The following ARSG variants were observed in gnomAD, a reference collection of about 807,000 sequenced individuals.
ARSG encodes arylsulfatase G, also known as ASG.
Under a neutral mutation model 50.5 loss-of-function variants are expected in ARSG, and 37 were observed. That is an observed-to-expected ratio of 0.73 (90% confidence interval 0.56 to 0.96). ARSG has a LOEUF of 0.96. Ranked by LOEUF, ARSG falls within the 50% of genes least tolerant of loss-of-function variation. ARSG has a pLI of 0.00. For missense variants in ARSG, 629 were observed against 675.3 expected (o/e 0.93, Z 0.76); for synonymous variants, 225 against 254.6 (o/e 0.88, Z 1.11).
At chr17:68,287,276 G>T (rs1377263957), upstream of ARSG, among the ~76,000 whole-genome samples, 1 of 151,294 alleles carries the variant, frequency 6.6e-6, no homozygotes, top group Admixed American at 6.6e-5. Flanking sequence ...GTATCTAAAC[G>T]ATAGTGCTGG....
At chr17:68,405,640 C>G (rs556910325) in intron 11 of ARSG, among the ~76,000 whole-genome samples, 7 of 152,286 alleles carry the variant, frequency 4.6e-5, no homozygotes, top group African/African-American at 1.7e-4. Flanking sequence ...TTTACTTCCT[C>G]CATTCCAATT....
In ARSG at chr17:68,307,247, T is replaced by C; in HGVS notation, c.-247T>C. The C allele has an allele frequency of 9.7e-6, 5 of 515,716 alleles. No homozygotes were observed. Among genetic ancestry groups the C allele is most frequent in the Non-Finnish European group, 1.7e-5 (5 of 291,248 alleles). 31.9% of individuals were successfully genotyped at this position (515,716 alleles called of 1,614,324 possible). A position where few individuals can be genotyped will look rare whatever the true frequency, so the allele number is the denominator to read the frequency against. ...ACTGACCATAGAAGATCAAGCCAAA[T>C]GAGGGATTGCAAATTTCCTGATTCT... On this transcript the variant is annotated 5_prime_UTR_variant, in exon 2 of 12. The change abolishes an upstream ATG in the 5' untranslated region. Transcript: ENST00000621439.
rs1555748426 is a variant in ARSG at position 68,271,131 on chromosome 17, T to C, written c.-552+11705T>C. 2 of 1,614,108 alleles carry C rather than the reference T, an allele frequency of 1.2e-6. No individual in the cohort carries two copies. Among genetic ancestry groups the C allele is most frequent in the Non-Finnish European group, 1.7e-6 (2 of 1,180,018 alleles). On this transcript the variant is annotated intron_variant, in intron 1 of 11. Coordinates refer to the ARSG transcript ENST00000448504. This position sits in a 1 kb window ranked among gnomAD's most constrained non-coding sequence, Gnocchi z 5.3. ...TGAGGACAAAACCAGCTCCGATCCTTCCGAAAACTTCTGCAATGGCCATCG... is the reference window on the plus strand; with the variant it reads ...TGAGGACAAAACCAGCTCCGATCCTCCCGAAAACTTCTGCAATGGCCATCG...
chr17:68,351,505 G>A lies in ARSG; in HGVS notation c.455-70G>A, dbSNP rs752453483. The A allele has an allele frequency of 2.6e-5, 21 of 801,788 alleles. 1 individual carries two copies. The highest frequency in any genetic ancestry group is 1.9e-4 in the East Asian group (8 of 41,052). 49.7% of individuals were successfully genotyped at this position (801,788 alleles called of 1,614,324 possible). A position where few individuals can be genotyped will look rare whatever the true frequency, so the allele number is the denominator to read the frequency against. ...AATCATAGGAAATTACATTTTTGTC[G>A]TGGGTGTACAAAGGCAAGCACATGG... On this transcript the variant is annotated intron_variant, in intron 4 of 11. Coordinates refer to ENST00000621439, the MANE Select transcript of ARSG (RefSeq NM_001267727.2).
chr17:68,317,253 G>A (rs782225569), intron 2 of ARSG, among the ~76,000 whole-genome samples: 12 of 152,104 alleles, frequency 7.9e-5, no homozygotes, highest in Non-Finnish European at 1.2e-4. Flanking sequence ...TAGGGATTAT[G>A]GCCTAAAATC....
At chr17:68,434,423 G>A in the ARSG span, 1 of 828,512 alleles carries the variant, frequency 1.2e-6, no homozygotes, top group Non-Finnish European at 1.9e-6. Context: ...CAATTACCTG[G>A]GAGAGTAGTT....
At chr17:68,289,348 G>C (rs1443504546), upstream of ARSG, among the ~76,000 whole-genome samples, 3 of 152,102 alleles carry the variant, frequency 2.0e-5, no homozygotes, top group Admixed American at 2.0e-4. Flanking sequence ...GCTATCCTTG[G>C]GAGTTTCACT....
intron 11 of ARSG, 104 bp from the exon 12 acceptor site, chr17:68,420,085 A>T (rs1247226869): frequency 1.5e-6 from 2 of 1,313,626 alleles, no homozygotes; most frequent in African/African-American, 1.5e-5. Context: ...ACATTTGGTT[A>T]TCTGGTATGT....
intron 3 of ARSG, chr17:68,346,660 C>T (rs1191671162): frequency 8.8e-6 from 10 of 1,137,592 alleles, no homozygotes; most frequent in Admixed American, 7.2e-5. Context: ...GCTTGAACTG[C>T]GGGCTGCTGA....
chr17:68,300,855 T>TAA (rs1200195007), intron 1 of ARSG, among the ~76,000 whole-genome samples: 2 of 139,632 alleles, frequency 1.4e-5, no homozygotes, highest in Non-Finnish European at 3.1e-5. Flanking sequence ...CTCCAAGCTT[T>TAA]AAAAAAAAAA....
intron 1 of ARSG, among the ~76,000 whole-genome samples, chr17:68,261,447 T>C (rs2075069712): frequency 1.3e-5 from 2 of 152,166 alleles, no homozygotes; most frequent in South Asian, 4.1e-4. Flanking sequence ...TGGTGTGATC[T>C]TGGCTCACTA....
At chr17:68,390,567 G>A (rs2080943585) in intron 9 of ARSG, among the ~76,000 whole-genome samples, 1 of 152,012 alleles carries the variant, frequency 6.6e-6, no homozygotes, top group African/African-American at 2.4e-5. Flanking sequence ...TCCCATCAGA[G>A]GCTGGGAACC....
chr17:68,263,689 A>G (rs531292414), intron 1 of ARSG, among the ~76,000 whole-genome samples: 41 of 152,096 alleles, frequency 2.7e-4, no homozygotes, highest in South Asian at 6.2e-4. Flanking sequence ...GGCTCAAGCA[A>G]TTCACTCACC....
At chr17:68,260,311 T>C (rs1451411246) in intron 1 of ARSG, among the ~76,000 whole-genome samples, 1 of 152,192 alleles carries the variant, frequency 6.6e-6, no homozygotes, top group African/African-American at 2.4e-5. Flanking sequence ...CATGACCTCA[T>C]TGAAGTAAAA....
chr17:68,348,758 T>G (rs143641327), intron 4 of ARSG, among the ~76,000 whole-genome samples: 1 of 152,080 alleles, frequency 6.6e-6, no homozygotes, highest in Admixed American at 6.6e-5. Flanking sequence ...GGAGAAGAGA[T>G]AGAATGAAGG....
chr17:68,370,338 T>C (rs772399458), intron 7 of ARSG, 106 bp from the exon 8 acceptor site: 62 of 955,414 alleles, frequency 6.5e-5, no homozygotes, highest in Non-Finnish European at 8.9e-5. Flanking sequence ...TAAGTCCTTT[T>C]TCTATCTAGT....
rs201030584 is a variant in ARSG, at chr17:68,343,768, C to A, written c.383C>A (p.Ala128Glu). 1.2e-6 allele frequency: 2 copies of A among 1,613,266 alleles called. No individual in the cohort carries two copies. The highest frequency in any genetic ancestry group is 1.7e-6 in the Non-Finnish European group (2 of 1,179,528). The change falls in exon 3 of 12, where the codon GCG becomes GAG. Residue 128 changes from alanine (A) to glutamate (E), a missense_variant. Ala to Glu is a moderately radical substitution (Grantham distance 107). Transcript: ENST00000621439. The stretch of plus-strand genomic sequence containing the variant: ...ACCTTGGCAGAGGTGCTGCAGCAGG[C>A]GGGTTACGTCACTGGGATAATAGGT... ...ETTLAEVLQQ[A>E]GYVTGIIGKW...
chr17:68,383,262 C>T (rs2080527153), intron 8 of ARSG, among the ~76,000 whole-genome samples: 1 of 151,916 alleles, frequency 6.6e-6, no homozygotes, highest in Admixed American at 6.6e-5. Flanking sequence ...TAGACCAATC[C>T]CTAATTGGTG....
At chr17:68,446,085 G>T in the ARSG span, among the ~76,000 whole-genome samples, 24 of 152,308 alleles carry the variant, frequency 1.6e-4, no homozygotes, top group Admixed American at 1.6e-3. Context: ...CCTGGGAAAA[G>T]CCTGCCCTGC....
Sources: gnomAD v4.1 joint callset for allele counts (sites outside exome capture counted in the v4.1 genomes callset) on GRCh38, gnomAD v4.1.1 for gene constraint, Gnocchi (gnomAD v3.1) non-coding constraint, MANE v1.5 for transcripts, NCBI Gene and HGNC (gene_info 2026-07-23, HGNC 2026-07-21) for gene names.